Variants in MGAT4C observed in about 807,000 individuals in gnomAD.
MGAT4C encodes the protein MGAT4 family member C, also known as alpha-1,3-mannosyl-glycoprotein 4-beta-N-acetylglucosaminyltransferase C.
A neutral mutation model predicts 40.1 loss-of-function variants in MGAT4C; 19 were observed. The ratio of observed to expected loss-of-function variants is 0.47; its 90% CI spans 0.33 to 0.70. The LOEUF (loss-of-function observed/expected upper bound fraction) is 0.70, where lower values mean the gene tolerates loss of function less well. Ranked by LOEUF, MGAT4C falls within the 30% of genes least tolerant of loss-of-function variation. MGAT4C has a pLI of 0.02. For missense variants in MGAT4C, 491 were observed against 563.2 expected, an observed-to-expected ratio of 0.87 and a Z score of 1.30; for synonymous variants, 181 against 187.1, an observed-to-expected ratio of 0.97 and a Z score of 0.27.
At chr12:86,438,478 G>C (rs1456445709) in intron 2 of MGAT4C, among the ~76,000 whole-genome samples, 1 of 151,918 alleles carries the variant, frequency 6.6e-6, no homozygotes, top group Non-Finnish European at 1.5e-5. Context: ...GACAACTGAT[G>C]AAAGTGGCTA....
intron 1 of MGAT4C, among the ~76,000 whole-genome samples, chr12:86,158,712 A>G (rs1292808318): frequency 1.3e-5 from 2 of 152,134 alleles, no homozygotes; most frequent in Non-Finnish European, 2.9e-5. Flanking sequence ...TAAATATCTA[A>G]AGTTTACTGT....
chr12:86,661,940 A>C (rs1044690078), intron 2 of MGAT4C, among the ~76,000 whole-genome samples: 1 of 152,142 alleles, frequency 6.6e-6, no homozygotes, highest in Non-Finnish European at 1.5e-5. Flanking sequence ...CCATCTAAAA[A>C]AATCTTAATA....
intron 1 of MGAT4C, among the ~76,000 whole-genome samples, chr12:86,743,810 T>C (rs777123704): frequency 2.0e-5 from 3 of 151,668 alleles, no homozygotes; most frequent in Non-Finnish European, 3.0e-5. Flanking sequence ...TTGACAGCTG[T>C]AAAATTAAAT....
At chr12:86,140,154 C>G (rs988261727) in intron 1 of MGAT4C, among the ~76,000 whole-genome samples, 1 of 152,084 alleles carries the variant, frequency 6.6e-6, no homozygotes, top group African/African-American at 2.4e-5. Context: ...TTAATTCTAC[C>G]TGTTCCTCTG....
rs186616230 is a variant in MGAT4C, at chr12:86,816,893, A to G, written c.-262+21773T>C. ...TGTTTCTCACTGTTATTATTATTGTATAATCCTATATCACTAATAATTTGA... is the reference window on the plus strand; with the variant it reads ...TGTTTCTCACTGTTATTATTATTGTGTAATCCTATATCACTAATAATTTGA... On this transcript the variant is annotated intron_variant, in intron 1 of 7. Transcript: ENST00000548651. 4.6e-5 allele frequency among the ~76,000 whole-genome samples: 7 copies of G among 151,428 alleles called. No individual in the cohort carries two copies. In the Admixed American group the frequency reaches 4.6e-4, roughly 10 times the overall value.
chr12:86,639,751 A>G (rs1473995230), intron 2 of MGAT4C, among the ~76,000 whole-genome samples: 2 of 151,712 alleles, frequency 1.3e-5, no homozygotes, highest in African/African-American at 4.8e-5. Context: ...ATGCTGTATA[A>G]TAGATATCCA....
chr12:86,296,681 C>T (rs1008586729), intron 4 of MGAT4C, among the ~76,000 whole-genome samples: 6 of 152,204 alleles, frequency 3.9e-5, no homozygotes, highest in Admixed American at 2.6e-4. Flanking sequence ...CCCGCAGGGC[C>T]GGCCAGCGGC....
At chr12:86,293,086 C>T (rs957798607) in intron 4 of MGAT4C, among the ~76,000 whole-genome samples, 1 of 152,038 alleles carries the variant, frequency 6.6e-6, no homozygotes, top group African/African-American at 2.4e-5. Flanking sequence ...AATAAGATTT[C>T]TATAACAGAT....
At chr12:86,215,491 T>C (rs1950637165) in intron 1 of MGAT4C, among the ~76,000 whole-genome samples, 1 of 152,144 alleles carries the variant, frequency 6.6e-6, no homozygotes, top group Non-Finnish European at 1.5e-5. Flanking sequence ...AGTAGCAGAA[T>C]TTCAGCCAAT....
chr12:86,806,825 G>A (rs542730140), intron 1 of MGAT4C, among the ~76,000 whole-genome samples: 47 of 152,006 alleles, frequency 3.1e-4, no homozygotes, highest in African/African-American at 1.1e-3. Flanking sequence ...TTGGACACAG[G>A]AAGGAGAACA....
intron 2 of MGAT4C, among the ~76,000 whole-genome samples, chr12:86,444,588 A>G (rs1373825628): frequency 6.6e-6 from 1 of 152,180 alleles, no homozygotes; most frequent in Non-Finnish European, 1.5e-5. Flanking sequence ...ACTCTACCAT[A>G]TCGTTGCAAA....
chr12:86,184,226 A>G (rs1286447201), intron 1 of MGAT4C, among the ~76,000 whole-genome samples: 3 of 152,128 alleles, frequency 2.0e-5, no homozygotes, highest in African/African-American at 7.2e-5. Context: ...AAAATACAAA[A>G]ATTAGCTGGG....
intron 1 of MGAT4C, among the ~76,000 whole-genome samples, chr12:86,793,550 T>C (rs1952062887): frequency 1.3e-5 from 2 of 152,070 alleles, no homozygotes; most frequent in South Asian, 4.1e-4. Context: ...TAGATGATTT[T>C]AAAACTATGA....
At chr12:86,835,710 A>C (rs1036259750) in intron 1 of MGAT4C, among the ~76,000 whole-genome samples, 5 of 151,972 alleles carry the variant, frequency 3.3e-5, no homozygotes, top group African/African-American at 1.2e-4. Context: ...TTCCCAAACT[A>C]GTCACTTTTC....
intron 2 of MGAT4C, among the ~76,000 whole-genome samples, chr12:86,448,212 G>A (rs1370507361): frequency 6.6e-6 from 1 of 152,078 alleles, no homozygotes; most frequent in Admixed American, 6.6e-5. Flanking sequence ...GGTTGCCTGT[G>A]GCAGCTTCCT....
At chr12:85,996,919 CA>C (rs2136754210) in intron 2 of MGAT4C, among the ~76,000 whole-genome samples, 1 of 152,260 alleles carries the variant, frequency 6.6e-6, no homozygotes, top group African/African-American at 2.4e-5. Flanking sequence ...CAGTAAATGT[CA>C]AAAATATTTA....
At chr12:86,730,151 C>G (rs1027083368) in intron 1 of MGAT4C, among the ~76,000 whole-genome samples, 3 of 151,394 alleles carry the variant, frequency 2.0e-5, no homozygotes, top group East Asian at 1.9e-4. Context: ...TAAATCTGGT[C>G]GAACATAAAT....
intron 2 of MGAT4C, among the ~76,000 whole-genome samples, chr12:86,686,820 G>A (rs1950080507): frequency 6.6e-6 from 1 of 152,268 alleles, no homozygotes; most frequent in Non-Finnish European, 1.5e-5. Flanking sequence ...TCTCTGCCAG[G>A]TTTTGGCATC....
At chr12:86,397,125 T>C (rs1956277049) in intron 3 of MGAT4C, among the ~76,000 whole-genome samples, 1 of 152,178 alleles carries the variant, frequency 6.6e-6, no homozygotes, top group African/African-American at 2.4e-5. Flanking sequence ...TTTGCCTTTA[T>C]AGCACTTGCC....
Sources: gnomAD v4.1 joint callset for allele counts (sites outside exome capture counted in the v4.1 genomes callset) on GRCh38, gnomAD v4.1.1 for gene constraint, MANE v1.5 for transcripts, NCBI Gene and HGNC (gene_info 2026-07-23, HGNC 2026-07-21) for gene names.